CSNK1G1: variants seen among roughly 807,000 people sequenced by gnomAD.
The protein encoded by CSNK1G1 is casein kinase 1 gamma 1.
Under a neutral mutation model 59.6 loss-of-function variants are expected in CSNK1G1, and 22 were observed. The ratio of observed to expected loss-of-function variants is 0.37; its 90% CI spans 0.26 to 0.53. CSNK1G1 has a LOEUF of 0.53. Ranked by LOEUF, CSNK1G1 falls within the 20% of genes least tolerant of loss-of-function variation. CSNK1G1 has a pLI of 0.89. For synonymous variants in CSNK1G1, 179 were observed against 177.1 expected (o/e 1.01, Z -0.08); for missense variants, 384 against 519.5 (o/e 0.74, Z 2.54).
intron 6 of CSNK1G1, among the ~76,000 whole-genome samples, chr15:64,213,259 C>G (rs1480223189): frequency 6.6e-6 from 1 of 152,142 alleles, no homozygotes; most frequent in Non-Finnish European, 1.5e-5. Flanking sequence ...GCCTAGGGCT[C>G]TGCCTGCTTG....
chr15:64,301,370 A>C (rs1366933298), intron 1 of CSNK1G1, among the ~76,000 whole-genome samples: 1 of 2,616 alleles, frequency 3.8e-4, no homozygotes, highest in Non-Finnish European at 0.05. Context: ...AAATAAAGCA[A>C]AAAAAAAAAA....
intron 1 of CSNK1G1, among the ~76,000 whole-genome samples, chr15:64,312,318 C>T (rs918815492): frequency 6.6e-6 from 1 of 152,096 alleles, no homozygotes; most frequent in Non-Finnish European, 1.5e-5. Context: ...GCAAAAAGAA[C>T]AAAGCTGGAG....
At chr15:64,206,688 C>T (rs188420283) in intron 7 of CSNK1G1, among the ~76,000 whole-genome samples, 1 of 150,228 alleles carries the variant, frequency 6.7e-6, no homozygotes, top group Non-Finnish European at 1.5e-5. Flanking sequence ...CAGCCAAAGG[C>T]ACAGAGTAAT....
rs1481221922 is a variant in CSNK1G1 at position 64,251,515 on chromosome 15, C to T, written c.289G>A (p.Ala97Thr). The change falls in exon 4 of 12, where the codon GCA becomes ACA. Residue 97 changes from alanine (A) to threonine (T), a missense_variant. By Grantham distance (58) the Ala-to-Thr change is moderately conservative. Coordinates refer to ENST00000303052, the MANE Select transcript of CSNK1G1 (RefSeq NM_022048.5). ...GGAGAGAAAAGACTTGACTTACCTG[C>T]ACTGCCAAGCTGTTTATAAAATCTG... ...EYRFYKQLGS[A>T]GEGLPQVYYF... 2.5e-6 allele frequency: 4 copies of T among 1,607,180 alleles called. No homozygotes were observed. The South Asian group carries it at 4.4e-5, about 18-fold the overall frequency.
At chr15:64,314,924 G>T (rs912538090) in intron 1 of CSNK1G1, among the ~76,000 whole-genome samples, 1 of 152,174 alleles carries the variant, frequency 6.6e-6, no homozygotes, top group African/African-American at 2.4e-5. Context: ...TGTGAATAAT[G>T]CTGCAATGAA....
At chr15:64,261,108 A>C (rs900079704) in intron 2 of CSNK1G1, among the ~76,000 whole-genome samples, 1 of 152,200 alleles carries the variant, frequency 6.6e-6, no homozygotes, top group African/African-American at 2.4e-5. Flanking sequence ...AGCCATTTTA[A>C]AATATATTTC....
chr15:64,276,315 C>T (rs1893614349), intron 2 of CSNK1G1, among the ~76,000 whole-genome samples: 1 of 152,030 alleles, frequency 6.6e-6, no homozygotes, highest in South Asian at 2.1e-4. Context: ...AGAGAAATAC[C>T]AAAGTATTTT....
At chr15:64,278,327 G>T (rs531255615) in intron 2 of CSNK1G1, among the ~76,000 whole-genome samples, 4 of 151,440 alleles carry the variant, frequency 2.6e-5, no homozygotes, top group Non-Finnish European at 5.9e-5. Context: ...GATTGTAGGC[G>T]TGAGTCACCA....
At chr15:64,221,951 A>G (rs1271186597) in intron 4 of CSNK1G1, among the ~76,000 whole-genome samples, 1 of 152,176 alleles carries the variant, frequency 6.6e-6, no homozygotes, top group Non-Finnish European at 1.5e-5. Flanking sequence ...AATATAAATC[A>G]TTCTACTATA....
At chr15:64,280,473 C>T (rs1456993236) in intron 2 of CSNK1G1, among the ~76,000 whole-genome samples, 1 of 151,734 alleles carries the variant, frequency 6.6e-6, no homozygotes, top group Non-Finnish European at 1.5e-5. Context: ...AATCTTGGCT[C>T]ACTGCAACCT....
chr15:64,210,037 T>C lies in CSNK1G1; in HGVS notation c.680-2443A>G, dbSNP rs2082231210. Among the ~76,000 whole-genome samples the C allele has an allele frequency of 1.3e-5, 2 of 152,144 alleles. No homozygotes were observed. The highest frequency in any genetic ancestry group is 1.3e-4 in the Admixed American group (2 of 15,284). On this transcript the variant is annotated intron_variant, in intron 6 of 11. Transcript: ENST00000303052. The surrounding 1 kb of genome is among the most constrained non-coding windows in gnomAD (Gnocchi z 4.2). ...ACTGGAATAAGTAATAAAGTAACTT[T>C]TCAAATCCTGAGAACTATGAAAAAG...
rs750695350 is a variant in CSNK1G1, at chr15:64,181,370, TG to T, written c.1108-917del. 89 of 1,535,814 alleles carry T rather than the reference TG, an allele frequency of 5.8e-5. 2 individuals carry two copies. The Admixed American group carries it at 8.0e-4, about 14-fold the overall frequency. ...ACATTATTCCTGTTTATGTGGGTGCTGGGAAGTGGGAAAAGGGGCCTCACTG... is the reference window on the plus strand; with the variant it reads ...ACATTATTCCTGTTTATGTGGGTGCTGGAAGTGGGAAAAGGGGCCTCACTG... On this transcript the variant is annotated intron_variant, in intron 10 of 11. Transcript: ENST00000303052.
At chr15:64,324,500 T>A (rs760906087) in intron 1 of CSNK1G1, among the ~76,000 whole-genome samples, 4 of 152,248 alleles carry the variant, frequency 2.6e-5, no homozygotes, top group Non-Finnish European at 4.4e-5. Flanking sequence ...TGACTTCAAG[T>A]TCTTCAGCTT....
chr15:64,319,832 C>CA (rs1282629560), intron 1 of CSNK1G1, among the ~76,000 whole-genome samples: 2 of 146,924 alleles, frequency 1.4e-5, no homozygotes, highest in Non-Finnish European at 3.0e-5. Context: ...GTTACAGACA[C>CA]AAAATGTAAC....
intron 6 of CSNK1G1, among the ~76,000 whole-genome samples, chr15:64,212,954 C>T (rs548441105): frequency 1.3e-5 from 2 of 151,176 alleles, no homozygotes; most frequent in South Asian, 2.1e-4. Context: ...TGCAGTGAGC[C>T]GAAATCGTGC....
At chr15:64,267,256 C>CAAAAAAAAAAAAA (rs199581105) in intron 2 of CSNK1G1, among the ~76,000 whole-genome samples, 1 of 61,832 alleles carries the variant, frequency 1.6e-5, no homozygotes, top group African/African-American at 4.8e-5. Flanking sequence ...GACCTTATCT[C>CAAAAAAAAAAAAA]AAAAAAAAAA....
At chr15:64,196,333 T>C (rs1030804521) in intron 10 of CSNK1G1, among the ~76,000 whole-genome samples, 8 of 152,030 alleles carry the variant, frequency 5.3e-5, no homozygotes, top group Admixed American at 1.3e-4. Flanking sequence ...TGTATATAGA[T>C]AAACCAAACA....
At chr15:64,227,843 T>A (rs1320698042) in intron 4 of CSNK1G1, among the ~76,000 whole-genome samples, 2 of 152,184 alleles carry the variant, frequency 1.3e-5, no homozygotes. Context: ...AGATTCACTG[T>A]TCTCTTCTCT....
chr15:64,272,822 T>C (rs1438986456), intron 2 of CSNK1G1, among the ~76,000 whole-genome samples: 1 of 152,106 alleles, frequency 6.6e-6, no homozygotes, highest in Non-Finnish European at 1.5e-5. Flanking sequence ...CACAGCTCAC[T>C]GCAGTCTCAG....
Sources: gnomAD v4.1 joint callset for allele counts (sites outside exome capture counted in the v4.1 genomes callset) on GRCh38, gnomAD v4.1.1 for gene constraint, Gnocchi (gnomAD v3.1) non-coding constraint, MANE v1.5 for transcripts, NCBI Gene and HGNC (gene_info 2026-07-23, HGNC 2026-07-21) for gene names.